Variants in CSMD3 observed in about 807,000 individuals in gnomAD.
The protein encoded by CSMD3 is CUB and Sushi multiple domains 3.
Under a neutral mutation model 435.2 loss-of-function variants are expected in CSMD3, and 177 were observed. The observed-to-expected ratio is 0.41, with a 90% confidence interval of 0.36 to 0.46. CSMD3 has a LOEUF of 0.46. Ranked by LOEUF, CSMD3 falls within the 20% of genes least tolerant of loss-of-function variation. The pLI is 0.34. For missense variants in CSMD3, 4,265 were observed against 4,504.6 expected (o/e 0.95, Z 1.52); for synonymous variants, 1,656 against 1,520.5 (o/e 1.09, Z -2.07).
rs1373006041 is a variant in CSMD3, at chr8:112,500,224, AAC to A, written c.5083+3564_5083+3565del. 2.0e-5 allele frequency among the ~76,000 whole-genome samples: 3 copies of A among 152,336 alleles called. No homozygotes were observed. In the East Asian group the frequency reaches 5.8e-4, roughly 29 times the overall value. Reference sequence around the variant, plus strand: ...AAAAGCAATACTAATAAAAATATTAAACAGTGTTAACAAAAATATGCAGCAGC... The same window carrying A: ...AAAAGCAATACTAATAAAAATATTAAAGTGTTAACAAAAATATGCAGCAGC... On this transcript the variant is annotated intron_variant, in intron 30 of 70. Transcript: ENST00000297405.
chr8:112,544,604 T>A (rs1279696946), intron 27 of CSMD3, among the ~76,000 whole-genome samples: 3 of 152,208 alleles, frequency 2.0e-5, no homozygotes, highest in Non-Finnish European at 2.9e-5. Context: ...CTCTGCTTTT[T>A]AAAAAAATTT....
chr8:112,844,846 C>T (rs144900313), intron 11 of CSMD3, among the ~76,000 whole-genome samples: 9 of 151,956 alleles, frequency 5.9e-5, no homozygotes, highest in Admixed American at 2.0e-4. Flanking sequence ...TCCCCTATGC[C>T]GGCCCCAGAA....
intron 13 of CSMD3, among the ~76,000 whole-genome samples, chr8:112,734,996 T>C (rs908392714): frequency 2.0e-5 from 3 of 151,994 alleles, no homozygotes; most frequent in African/African-American, 7.2e-5. Flanking sequence ...CATTGGACTA[T>C]CTCTATTTGT....
chr8:113,347,779 T>C (rs1165530804), intron 1 of CSMD3, among the ~76,000 whole-genome samples: 2 of 152,166 alleles, frequency 1.3e-5, no homozygotes, highest in African/African-American at 4.8e-5. Context: ...ATACAAGCTT[T>C]CATGTTAAAC....
At chr8:112,395,989 T>C (rs1449305974) in intron 35 of CSMD3, among the ~76,000 whole-genome samples, 1 of 152,210 alleles carries the variant, frequency 6.6e-6, no homozygotes, top group African/African-American at 2.4e-5. Flanking sequence ...AAACTGGTTG[T>C]TAAAGTTTGT....
intron 1 of CSMD3, among the ~76,000 whole-genome samples, chr8:113,385,837 A>G (rs2094436903): frequency 6.6e-6 from 1 of 152,108 alleles, no homozygotes; most frequent in Non-Finnish European, 1.5e-5. Flanking sequence ...CACAATTCAG[A>G]AAAGATGCTA....
intron 2 of CSMD3, among the ~76,000 whole-genome samples, chr8:113,296,398 A>G (rs1282503143): frequency 6.6e-6 from 1 of 151,990 alleles, no homozygotes; most frequent in Non-Finnish European, 1.5e-5. Flanking sequence ...ACATGCCTGT[A>G]GTCCCAGCTA....
chr8:112,314,127 G>T (rs1043892920), intron 48 of CSMD3, 75 bp from the exon 49 acceptor site: 3 of 1,133,074 alleles, frequency 2.6e-6, no homozygotes, highest in South Asian at 1.3e-5. Flanking sequence ...TATATCTTTA[G>T]AATAGTATTA....
intron 14 of CSMD3, among the ~76,000 whole-genome samples, chr8:112,687,766 C>T (rs990814221): frequency 1.3e-5 from 2 of 151,922 alleles, no homozygotes; most frequent in African/African-American, 2.4e-5. Context: ...TCTTCTGCCC[C>T]CATAAAAATT....
intron 15 of CSMD3, among the ~76,000 whole-genome samples, chr8:112,685,085 A>G (rs766060976): frequency 1.8e-4 from 28 of 152,198 alleles, no homozygotes; most frequent in Admixed American, 3.9e-4. Context: ...TATGTGATCA[A>G]TAATAGGTTT....
At chr8:112,382,053 A>T (rs555245304) in intron 37 of CSMD3, among the ~76,000 whole-genome samples, 81 of 152,100 alleles carry the variant, frequency 5.3e-4, no homozygotes, top group Non-Finnish European at 1.1e-3. Context: ...GTAAGACAGG[A>T]GGATCTCTTG....
chr8:112,744,583 G>A (rs2077386209), intron 13 of CSMD3, among the ~76,000 whole-genome samples: 1 of 151,870 alleles, frequency 6.6e-6, no homozygotes, highest in South Asian at 2.1e-4. Flanking sequence ...AGTACTGAAA[G>A]GGAGAAAACA....
At chr8:113,199,963 T>C (rs1009127578) in intron 3 of CSMD3, among the ~76,000 whole-genome samples, 1 of 151,904 alleles carries the variant, frequency 6.6e-6, no homozygotes, top group African/African-American at 2.4e-5. Context: ...GATTTTATGC[T>C]GATAACTCTC....
Position 112,307,841 on chromosome 8 carries a change from G to A in CSMD3, c.7886-1649C>T, listed in dbSNP as rs191027273. On this transcript the variant is annotated intron_variant, in intron 50 of 70. Coordinates refer to ENST00000297405, the MANE Select transcript of CSMD3 (RefSeq NM_198123.2). ...GAAGAAATAAACTACAGAAAGATGA[G>A]TTTAGTTTAAATATTATAAATGCTA... 3.2e-3 allele frequency among the ~76,000 whole-genome samples: 480 copies of A among 152,198 alleles called. 3 individuals are homozygous for A. The highest frequency in any genetic ancestry group is 5.0e-3 in the Non-Finnish European group (338 of 67,984).
chr8:112,852,204 C>T (rs1284437291), intron 11 of CSMD3, among the ~76,000 whole-genome samples: 1 of 152,106 alleles, frequency 6.6e-6, no homozygotes, highest in Non-Finnish European at 1.5e-5. Context: ...GACAGATTTC[C>T]AATCACTAAC....
chr8:112,490,250 A>G lies in CSMD3; in HGVS notation c.5278+2239T>C, dbSNP rs201855249. Among the ~76,000 whole-genome samples the G allele has an allele frequency of 1.8e-3, 268 of 152,310 alleles. 2 individuals carry two copies. Among genetic ancestry groups the G allele is most frequent in the African/African-American group, 6.3e-3 (260 of 41,568 alleles). On this transcript the variant is annotated intron_variant, in intron 31 of 70. Coordinates refer to ENST00000297405, the MANE Select transcript of CSMD3 (RefSeq NM_198123.2). The stretch of plus-strand genomic sequence containing the variant: ...ATCTAGTTTTAGAGATTTAAAAGTC[A>G]AGACTCAGCTTGCCTTAGGTCACAG...
At chr8:112,798,370 A>G (rs111377338) in intron 13 of CSMD3, among the ~76,000 whole-genome samples, 5,059 of 151,912 alleles carry the variant, frequency 0.033, 138 homozygotes, top group Non-Finnish European at 0.046. Context: ...AAAAAAACAG[A>G]ATTTTGAGCA....
intron 9 of CSMD3, among the ~76,000 whole-genome samples, chr8:112,935,705 G>GA (rs35035110): frequency 1.2e-3 from 176 of 148,796 alleles, no homozygotes; most frequent in South Asian, 5.3e-3. Flanking sequence ...GCTCAATTAT[G>GA]AAAAAAAAAA....
intron 27 of CSMD3, among the ~76,000 whole-genome samples, chr8:112,541,060 T>C (rs534469190): frequency 4.6e-5 from 7 of 151,228 alleles, no homozygotes; most frequent in Admixed American, 1.3e-4. Flanking sequence ...TACATACCAA[T>C]AAAAAAGAGA....
Sources: allele counts gnomAD v4.1 joint callset (sites outside exome capture counted in the v4.1 genomes callset), GRCh38; gene constraint gnomAD v4.1.1; transcripts MANE v1.5; gene names NCBI Gene and HGNC (gene_info 2026-07-23, HGNC 2026-07-21).